The following GLP1R variants were observed in gnomAD, a reference collection of about 807,000 sequenced individuals.
GLP1R encodes the protein glucagon like peptide 1 receptor, also known as glucagon-like peptide 1 receptor.
A neutral mutation model predicts 68.4 loss-of-function variants in GLP1R; 32 were observed. That is an observed-to-expected ratio of 0.47 (90% CI 0.35 to 0.63). The LOEUF (loss-of-function observed/expected upper bound fraction) is 0.63, where lower values mean the gene tolerates loss of function less well. Ranked by LOEUF, GLP1R falls within the 20% of genes least tolerant of loss-of-function variation. The pLI is 0.00. For synonymous variants in GLP1R, 263 were observed against 244.4 expected (o/e 1.08, Z -0.71); for missense variants, 502 against 594.9 (o/e 0.84, Z 1.62).
Position 39,079,827 on chromosome 6 carries a change from A to C in GLP1R, c.1182+125A>C. Reference sequence around the variant, plus strand: ...GACCTGGAGGGGTGATCCCTGCCCAAAGTCACCTAGTTGGAGCAGAGCCAG... The same window carrying C: ...GACCTGGAGGGGTGATCCCTGCCCACAGTCACCTAGTTGGAGCAGAGCCAG... On this transcript the variant is annotated intron_variant, in intron 11 of 12. Transcript: ENST00000373256. This position sits in a 1 kb window ranked among gnomAD's most constrained non-coding sequence, Gnocchi z 4.5. 3 of 820,768 alleles carry C rather than the reference A, an allele frequency of 3.7e-6. No individual in the cohort carries two copies. The highest frequency in any genetic ancestry group is 3.2e-5 in the South Asian group (2 of 61,734). 50.8% of individuals were successfully genotyped at this position (820,768 alleles called of 1,614,324 possible). A position where few individuals can be genotyped will look rare whatever the true frequency, so the allele number is the denominator to read the frequency against.
intron 3 of GLP1R, among the ~76,000 whole-genome samples, chr6:39,061,403 C>T (rs1768354969): frequency 6.6e-6 from 1 of 152,152 alleles, no homozygotes; most frequent in Non-Finnish European, 1.5e-5. Context: ...CCTCCTGATC[C>T]CTACCTGTTT....
intron 1 of GLP1R, among the ~76,000 whole-genome samples, chr6:39,052,796 C>T (rs911620114): frequency 3.9e-5 from 6 of 152,290 alleles, no homozygotes; most frequent in South Asian, 4.1e-4. Flanking sequence ...ATTTTATGGA[C>T]GGCAGAACTG....
chr6:39,086,042 A>G lies in GLP1R; in HGVS notation c.1361A>G (p.Tyr454Cys). 1 of 1,613,978 alleles carries G rather than the reference A, an allele frequency of 6.2e-7. No homozygotes were observed. Among genetic ancestry groups the G allele is most frequent in the Non-Finnish European group, 8.5e-7 (1 of 1,179,946 alleles). ...GGAGCCACGGCGGGCAGCAGCATGT[A>G]CACAGCCACTTGCCAGGCCTCCTGC... ...SSGATAGSSMYTATCQASCS is the reference protein window; with the variant it reads ...SSGATAGSSMCTATCQASCS The change falls in exon 13 of 13, where the codon TAC becomes TGC. Residue 454 changes from tyrosine (Y) to cysteine (C), a missense_variant. Physicochemically the swap from Tyr to Cys is radical, Grantham distance 194. Coordinates refer to ENST00000373256, the MANE Select transcript of GLP1R (RefSeq NM_002062.5). This position sits in a 1 kb window ranked among gnomAD's most constrained non-coding sequence, Gnocchi z 4.5.
At chr6:39,084,129 A>T (rs544460141) in intron 12 of GLP1R, among the ~76,000 whole-genome samples, 1 of 152,222 alleles carries the variant, frequency 6.6e-6, no homozygotes, top group East Asian at 1.9e-4. Context: ...GGAGCCGGGC[A>T]TTGGAATCAG....
In GLP1R at chr6:39,049,635, C is replaced by G. The variant is rs1562000520; in HGVS notation, c.78+717C>G. On this transcript the variant is annotated intron_variant, in intron 1 of 12. Coordinates refer to ENST00000373256, the MANE Select transcript of GLP1R (RefSeq NM_002062.5). The surrounding 1 kb of genome is among the most constrained non-coding windows in gnomAD (Gnocchi z 4.5). ...TCACCCACTCTGCTGACCTCCCATT[C>G]TCATCCTGCACTGACAGCAGGCCCC... Among the ~76,000 whole-genome samples the G allele has an allele frequency of 6.6e-6, 1 of 152,152 alleles. No homozygotes were observed. The highest frequency in any genetic ancestry group is 1.5e-5 in the Non-Finnish European group (1 of 68,032).
chr6:39,057,653 C>T, intron 3 of GLP1R, 74 bp downstream of exon 3: 1 of 827,508 alleles, frequency 1.2e-6, no homozygotes, highest in East Asian at 2.9e-5. Flanking sequence ...TGGTATCTGC[C>T]CTGGGCCAGC....
At chr6:39,072,390 CCTGTA>C (rs1232234050) in intron 5 of GLP1R, among the ~76,000 whole-genome samples, 1 of 152,128 alleles carries the variant, frequency 6.6e-6, no homozygotes, top group African/African-American at 2.4e-5. Context: ...AAGAAATGCC[CCTGTA>C]CTTTCAATTT....
In GLP1R at chr6:39,078,410, T is replaced by G. The variant is rs201064909; in HGVS notation, c.884+28T>G. On this transcript the variant is annotated intron_variant, in intron 8 of 12. Coordinates refer to ENST00000373256, the MANE Select transcript of GLP1R (RefSeq NM_002062.5). Reference sequence around the variant, plus strand: ...GAGTGTCCTGCTCCAAGGGGGCGGGTGTGCCCAGGTCCCCATCCTCAAGGT... The same window carrying G: ...GAGTGTCCTGCTCCAAGGGGGCGGGGGTGCCCAGGTCCCCATCCTCAAGGT... The G allele has an allele frequency of 3.1e-4, 470 of 1,514,226 alleles. 1 individual carries two copies. The highest frequency in any genetic ancestry group is 8.5e-4 in the Middle Eastern group (5 of 5,902). The allele number at this position is 1,514,226 out of a possible 1,614,324, so 93.8% of individuals were successfully genotyped here. A position where few individuals can be genotyped will look rare whatever the true frequency, so the allele number is the denominator to read the frequency against.
intron 11 of GLP1R, 61 bp from the exon 12 acceptor site, chr6:39,080,637 G>A: frequency 8.4e-7 from 1 of 1,191,800 alleles, no homozygotes. Flanking sequence ...TTCCGACCAG[G>A]GCCAGTCTGC....
At chr6:39,083,318 G>A (rs1308148110) in intron 12 of GLP1R, among the ~76,000 whole-genome samples, 1 of 152,208 alleles carries the variant, frequency 6.6e-6, no homozygotes, top group Non-Finnish European at 1.5e-5. Context: ...ATACATCATT[G>A]TCACTGGGCC....
intron 1 of GLP1R, among the ~76,000 whole-genome samples, chr6:39,056,110 CT>C (rs1435836548): frequency 6.6e-6 from 1 of 152,178 alleles, no homozygotes; most frequent in African/African-American, 2.4e-5. Flanking sequence ...TCCTTTCCTC[CT>C]TCACCCACCC....
chr6:39,078,883 C>T (rs1768910779), intron 8 of GLP1R, 74 bp from the exon 9 acceptor site: 6 of 1,307,178 alleles, frequency 4.6e-6, no homozygotes, highest in African/African-American at 1.4e-5. Context: ...CATTGGCGGC[C>T]TCTGTGCCTG....
At chr6:39,062,179 T>G (rs1768371872) in intron 3 of GLP1R, among the ~76,000 whole-genome samples, 1 of 152,050 alleles carries the variant, frequency 6.6e-6, no homozygotes, top group Admixed American at 6.5e-5. Flanking sequence ...TAATTGGGGG[T>G]TTTATTTCCA....
At chr6:39,065,113 C>T (rs1768468138) in intron 3 of GLP1R, among the ~76,000 whole-genome samples, 2 of 152,196 alleles carry the variant, frequency 1.3e-5, no homozygotes, top group Admixed American at 1.3e-4. Context: ...GTCTGTGTCT[C>T]CTCCATCAGA....
chr6:39,081,995 C>A (rs941284043), intron 12 of GLP1R, among the ~76,000 whole-genome samples: 2 of 152,194 alleles, frequency 1.3e-5, no homozygotes, highest in Admixed American at 6.5e-5. Context: ...GAGAAACACA[C>A]ACCATTATCT....
In GLP1R at chr6:39,049,960, A is replaced by T. The variant is rs1469090144; in HGVS notation, c.78+1042A>T. On this transcript the variant is annotated intron_variant, in intron 1 of 12. Coordinates refer to ENST00000373256, the MANE Select transcript of GLP1R (RefSeq NM_002062.5). The surrounding 1 kb of genome is among the most constrained non-coding windows in gnomAD (Gnocchi z 4.5). ...ACCTAAAGAACTGAGATCTGTGGGG[A>T]GTGGACCTGAACGAACCTTGAAGTT... Among the ~76,000 whole-genome samples, 2 of 152,134 alleles carry T rather than the reference A, an allele frequency of 1.3e-5. No individual in the cohort carries two copies. Among genetic ancestry groups the T allele is most frequent in the Non-Finnish European group, 2.9e-5 (2 of 68,022 alleles).
rs113661140 is a variant in GLP1R at position 39,082,287 on chromosome 6, C to T, written c.1224+1548C>T. 5.2e-3 allele frequency among the ~76,000 whole-genome samples: 790 copies of T among 152,308 alleles called. 4 individuals carry two copies. The highest frequency in any genetic ancestry group is 0.016 in the African/African-American group (656 of 41,560). On this transcript the variant is annotated intron_variant, in intron 12 of 12. Coordinates refer to ENST00000373256, the MANE Select transcript of GLP1R (RefSeq NM_002062.5). The stretch of plus-strand genomic sequence containing the variant: ...GTGTCTCATTACATCCAATGCTGTG[C>T]AGCAGATGGTATCCCCAATTCACAG...
chr6:39,080,461 C>G (rs1369061569), intron 11 of GLP1R, among the ~76,000 whole-genome samples: 5 of 152,168 alleles, frequency 3.3e-5, no homozygotes, highest in Non-Finnish European at 5.9e-5. Flanking sequence ...CCTGGGAGAC[C>G]CATGGGGAGA....
chr6:39,059,617 G>T (rs2150823682), intron 3 of GLP1R, among the ~76,000 whole-genome samples: 1 of 152,324 alleles, frequency 6.6e-6, no homozygotes, highest in Non-Finnish European at 1.5e-5. Context: ...AGAGCCAAGT[G>T]ACATGGGTGT....
Sources: allele counts gnomAD v4.1 joint callset (sites outside exome capture counted in the v4.1 genomes callset), GRCh38; gene constraint gnomAD v4.1.1; non-coding constraint Gnocchi (gnomAD v3.1); transcripts MANE v1.5; gene names NCBI Gene and HGNC (gene_info 2026-07-23, HGNC 2026-07-21).